Variants in TLK1 observed in about 807,000 individuals in gnomAD.
TLK1 encodes the protein serine/threonine-protein kinase tousled-like 1.
Under a neutral mutation model 105.3 loss-of-function variants are expected in TLK1, and 24 were observed. The ratio of observed to expected loss-of-function variants is 0.23; its 90% CI spans 0.17 to 0.32. The LOEUF (loss-of-function observed/expected upper bound fraction) is 0.32. Ranked by LOEUF, TLK1 falls within the 10% of genes least tolerant of loss-of-function variation. The pLI is 1.00. For missense variants in TLK1, 558 were observed against 910.5 expected, an observed-to-expected ratio of 0.61 and a Z score of 4.98; for synonymous variants, 321 against 310.4, an observed-to-expected ratio of 1.03 and a Z score of -0.36.
chr2:171,001,124 ACT>A (rs1391578957), intron 18 of TLK1, among the ~76,000 whole-genome samples: 1 of 152,116 alleles, frequency 6.6e-6, no homozygotes, highest in Non-Finnish European at 1.5e-5. Flanking sequence ...GCAGCAATGT[ACT>A]CTTTCAGGCT....
chr2:171,188,660 T>C (rs1014144494), intron 1 of TLK1, among the ~76,000 whole-genome samples: 4 of 150,738 alleles, frequency 2.7e-5, no homozygotes, highest in Non-Finnish European at 2.9e-5. Context: ...TGAGCCAAGA[T>C]TGTGCCATTG....
intron 8 of TLK1, among the ~76,000 whole-genome samples, chr2:171,053,323 G>A (rs1217417903): frequency 6.6e-6 from 1 of 151,616 alleles, no homozygotes; most frequent in Non-Finnish European, 1.5e-5. Flanking sequence ...TTTCAATCAT[G>A]TACTTAAACT....
intron 1 of TLK1, among the ~76,000 whole-genome samples, chr2:171,127,395 C>T (rs1335285084): frequency 6.6e-6 from 1 of 151,890 alleles, no homozygotes; most frequent in East Asian, 1.9e-4. Flanking sequence ...TAGAACATAC[C>T]TATTTTCATT....
chr2:171,210,333 G>A (rs144971468), intron 1 of TLK1, among the ~76,000 whole-genome samples: 21 of 151,002 alleles, frequency 1.4e-4, no homozygotes, highest in African/African-American at 4.6e-4. Flanking sequence ...GCTAGAATGC[G>A]GCTATAGGAG....
At chr2:171,195,694 G>A (rs1693260340) in intron 1 of TLK1, among the ~76,000 whole-genome samples, 1 of 152,112 alleles carries the variant, frequency 6.6e-6, no homozygotes, top group Admixed American at 6.5e-5. Flanking sequence ...GGTGGAGCAT[G>A]TGGATAAACA....
chr2:171,100,211 C>T (rs563992064), intron 2 of TLK1, among the ~76,000 whole-genome samples: 2 of 152,334 alleles, frequency 1.3e-5, no homozygotes, highest in South Asian at 2.1e-4. Context: ...CCACTTCACA[C>T]ATCACCCAGA....
At chr2:171,023,897 T>C (rs1685651895) in intron 12 of TLK1, among the ~76,000 whole-genome samples, 1 of 152,186 alleles carries the variant, frequency 6.6e-6, no homozygotes, top group African/African-American at 2.4e-5. Context: ...TAAATTGTTT[T>C]CCCATAATTA....
At position 171,046,124 on chromosome 2, in the gene TLK1, C is replaced by T. The variant is rs75937101; in HGVS notation, c.1169+50G>A. On this transcript the variant is annotated intron_variant, in intron 11 of 20. Coordinates refer to ENST00000431350, the MANE Select transcript of TLK1 (RefSeq NM_012290.5). Reference sequence around the variant, plus strand: ...AAATAACATCCATTAGTAACATTCACGCTCACTGGCAACAATTTTAAAAAA... The same window carrying T: ...AAATAACATCCATTAGTAACATTCATGCTCACTGGCAACAATTTTAAAAAA... 4,880 of 1,428,960 alleles carry T rather than the reference C, an allele frequency of 3.4e-3. 108 individuals are homozygous for T. The African/African-American group carries it at 0.053, about 16-fold the overall frequency. 88.5% of individuals were successfully genotyped at this position (1,428,960 alleles called of 1,614,324 possible). A position where few individuals can be genotyped will look rare whatever the true frequency, so the allele number is the denominator to read the frequency against.
At chr2:171,077,601 G>C (rs1329960682) in intron 3 of TLK1, among the ~76,000 whole-genome samples, 1 of 152,142 alleles carries the variant, frequency 6.6e-6, no homozygotes, top group Non-Finnish European at 1.5e-5. Flanking sequence ...ACTTTTTACA[G>C]TCCCTATCTT....
At position 171,197,824 on chromosome 2, in the gene TLK1, G is replaced by A. The variant is rs148529494; in HGVS notation, c.-6+33321C>T. On this transcript the variant is annotated intron_variant, in intron 1 of 20. Coordinates refer to the TLK1 transcript ENST00000521943. The stretch of plus-strand genomic sequence containing the variant: ...AAAAAACAATAAAGAATCACTTGGA[G>A]GACTTGCTAAAATGCAGATGCTTGG... 1.6e-3 allele frequency among the ~76,000 whole-genome samples: 237 copies of A among 152,156 alleles called. 1 individual carries two copies. The highest frequency in any genetic ancestry group is 5.5e-3 in the African/African-American group (230 of 41,528).
intron 3 of TLK1, among the ~76,000 whole-genome samples, chr2:171,079,392 G>A (rs1034770100): frequency 1.2e-4 from 19 of 152,190 alleles, no homozygotes; most frequent in African/African-American, 4.6e-4. Context: ...AGCCTACACT[G>A]TCATGAGGCA....
At chr2:171,144,352 A>G (rs926581205) in intron 1 of TLK1, among the ~76,000 whole-genome samples, 1 of 152,240 alleles carries the variant, frequency 6.6e-6, no homozygotes, top group African/African-American at 2.4e-5. Flanking sequence ...CGTTCTGCCC[A>G]ACAACACAAT....
At chr2:171,033,929 CA>C (rs1272121531) in intron 11 of TLK1, among the ~76,000 whole-genome samples, 2 of 138,790 alleles carry the variant, frequency 1.4e-5, no homozygotes, top group Non-Finnish European at 3.2e-5. Flanking sequence ...AACAAAACAA[CA>C]AACAGTCTGG....
intron 1 of TLK1, among the ~76,000 whole-genome samples, chr2:171,230,798 A>G (rs1028314913): frequency 6.6e-6 from 1 of 152,204 alleles, no homozygotes; most frequent in Non-Finnish European, 1.5e-5. Flanking sequence ...AACATGCTAT[A>G]GAGAACACCA....
chr2:171,198,847 C>T (rs1161452897), intron 1 of TLK1, among the ~76,000 whole-genome samples: 7 of 152,098 alleles, frequency 4.6e-5, no homozygotes, highest in African/African-American at 7.2e-5. Context: ...ATCTATTTAC[C>T]TGTTGATCAA....
chr2:171,116,911 C>T (rs1690456591), intron 2 of TLK1, among the ~76,000 whole-genome samples: 1 of 152,104 alleles, frequency 6.6e-6, no homozygotes, highest in Non-Finnish European at 1.5e-5. Flanking sequence ...TATACATACC[C>T]TATGATCTAG....
intron 3 of TLK1, chr2:171,067,045 G>C: frequency 7.2e-7 from 1 of 1,385,194 alleles, no homozygotes; most frequent in Non-Finnish European, 9.6e-7. Context: ...ACATACTCCT[G>C]TATCATACCC....
At chr2:171,082,390 T>C (rs1201906359) in intron 3 of TLK1, among the ~76,000 whole-genome samples, 1 of 151,900 alleles carries the variant, frequency 6.6e-6, no homozygotes, top group African/African-American at 2.4e-5. Flanking sequence ...AAAATGTGTA[T>C]CTCAGAAAGT....
chr2:171,119,630 A>G (rs939094404), intron 1 of TLK1, among the ~76,000 whole-genome samples: 2 of 152,248 alleles, frequency 1.3e-5, no homozygotes, highest in African/African-American at 4.8e-5. Context: ...ACAGACATAT[A>G]TATAGAGCAA....
Sources: allele counts gnomAD v4.1 joint callset (sites outside exome capture counted in the v4.1 genomes callset), GRCh38; gene constraint gnomAD v4.1.1; transcripts MANE v1.5; gene names NCBI Gene and HGNC (gene_info 2026-07-23, HGNC 2026-07-21).